Variants in RTL4 observed in about 807,000 individuals in gnomAD.
RTL4 encodes retrotransposon Gag-like protein 4.
RTL4 carries 4 observed loss-of-function variants against 5.3 expected under a neutral mutation model. The observed-to-expected ratio is 0.75, with a 90% CI of 0.37 to 1.72. The LOEUF (loss-of-function observed/expected upper bound fraction) is 1.72, where lower values mean the gene tolerates loss of function less well. Among genes scored for constraint, RTL4 ranks in the 40% most tolerant of loss-of-function variants. The probability of loss-of-function intolerance (pLI) is 0.04; values close to 1 mark genes in which losing one functional copy is unlikely to be tolerated. For synonymous variants in RTL4, 98 were observed against 87.3 expected (o/e 1.12, Z -0.68); for missense variants, 260 against 227.1 (o/e 1.14, Z -0.93).
At chrX:112,275,093 C>T in the RTL4 span, among the ~76,000 whole-genome samples, 36 of 111,073 alleles carry the variant, frequency 3.2e-4, 1 homozygote, top group South Asian at 0.012. Context: ...TCAGCATCTA[C>T]GGGTTAACTG....
At chrX:112,139,797 A>G in the RTL4 span, among the ~76,000 whole-genome samples, 3 of 112,033 alleles carry the variant, frequency 2.7e-5, no homozygotes. Context: ...TGTGGGAGGA[A>G]CCCAGTGGGA....
chrX:112,274,058 A>C, the RTL4 span, among the ~76,000 whole-genome samples: 1 of 112,177 alleles, frequency 8.9e-6, no homozygotes, highest in East Asian at 2.8e-4. Flanking sequence ...ATTGAGGCTC[A>C]GATAAATTAA....
At chrX:112,419,850 G>C in the RTL4 span, among the ~76,000 whole-genome samples, 1 of 108,459 alleles carries the variant, frequency 9.2e-6, no homozygotes, top group African/African-American at 3.3e-5. Flanking sequence ...GAAAGAAAAA[G>C]AGCTTCTGGC....
At chrX:112,340,077 G>C in the RTL4 span, among the ~76,000 whole-genome samples, 1 of 112,500 alleles carries the variant, frequency 8.9e-6, no homozygotes, top group Non-Finnish European at 1.9e-5. Flanking sequence ...GCCAGGGCTA[G>C]GTTTGTCAGA....
chrX:112,356,186 T>A, the RTL4 span, among the ~76,000 whole-genome samples: 2 of 110,775 alleles, frequency 1.8e-5, no homozygotes, highest in African/African-American at 6.6e-5. Context: ...GTGGGGGAGA[T>A]TTTCCCTAGC....
the RTL4 span, among the ~76,000 whole-genome samples, chrX:112,084,594 AG>A: frequency 9.9e-5 from 11 of 111,264 alleles, no homozygotes; most frequent in African/African-American, 3.6e-4. Context: ...CTCCCAAACA[AG>A]GGAGGTCTAT....
At chrX:112,121,013 G>A in the RTL4 span, among the ~76,000 whole-genome samples, 1 of 111,148 alleles carries the variant, frequency 9.0e-6, no homozygotes, top group Non-Finnish European at 1.9e-5. Flanking sequence ...GGAGGGATAG[G>A]ATCAGAAAAA....
At chrX:112,389,765 G>A in the RTL4 span, among the ~76,000 whole-genome samples, 1 of 109,596 alleles carries the variant, frequency 9.1e-6, no homozygotes, top group African/African-American at 3.3e-5. Flanking sequence ...GTCTGAGAAT[G>A]TTTTTGGTAT....
At chrX:112,259,958 A>T in the RTL4 span, among the ~76,000 whole-genome samples, 1 of 112,028 alleles carries the variant, frequency 8.9e-6, no homozygotes, top group African/African-American at 3.2e-5. Context: ...ATAGAAGGGA[A>T]TTTGGTAGAC....
chrX:112,306,415 T>C, the RTL4 span, among the ~76,000 whole-genome samples: 4 of 111,500 alleles, frequency 3.6e-5, no homozygotes, highest in South Asian at 1.1e-3. Flanking sequence ...TAATCTCACT[T>C]AAGCGTCATG....
the RTL4 span, among the ~76,000 whole-genome samples, chrX:112,391,921 G>C: frequency 1.8e-5 from 2 of 110,508 alleles, no homozygotes; most frequent in Non-Finnish European, 3.8e-5. Context: ...CCCCCAGAGA[G>C]ATGCATGTTA....
chrX:112,319,586 G>A, the RTL4 span, among the ~76,000 whole-genome samples: 8 of 111,439 alleles, frequency 7.2e-5, no homozygotes, highest in East Asian at 2.8e-4. Flanking sequence ...AACTGCCACC[G>A]TAATTAAGAC....
At chrX:112,310,414 A>T in the RTL4 span, among the ~76,000 whole-genome samples, 30 of 27,657 alleles carry the variant, frequency 1.1e-3, no homozygotes, top group East Asian at 0.04. Context: ...ATATATATAT[A>T]TTTAATATAA....
chrX:112,348,953 T>A, the RTL4 span, among the ~76,000 whole-genome samples: 1 of 110,404 alleles, frequency 9.1e-6, no homozygotes, highest in Non-Finnish European at 1.9e-5. Flanking sequence ...GAACTTTAAA[T>A]ATAATATTTA....
At chrX:112,389,207 G>C in the RTL4 span, among the ~76,000 whole-genome samples, 2 of 109,800 alleles carry the variant, frequency 1.8e-5, no homozygotes, top group Non-Finnish European at 3.8e-5. Flanking sequence ...TCTAGTTTGT[G>C]TGCATAGTTT....
the RTL4 span, among the ~76,000 whole-genome samples, chrX:112,144,528 G>A: frequency 1.3e-4 from 14 of 111,417 alleles, 1 homozygote; most frequent in South Asian, 4.2e-3. Flanking sequence ...AGGAAAAAAC[G>A]TAGGCTGCCT....
the RTL4 span, among the ~76,000 whole-genome samples, chrX:112,328,425 T>A: frequency 9.0e-6 from 1 of 111,468 alleles, no homozygotes. Context: ...CATTACATAA[T>A]GGTAAAGGGA....
chrX:112,323,601 C>T, the RTL4 span, among the ~76,000 whole-genome samples: 1 of 110,507 alleles, frequency 9.0e-6, no homozygotes, highest in Non-Finnish European at 1.9e-5. Context: ...AAGTGATCCT[C>T]CTACCTCTCA....
chrX:112,313,284 T>C, the RTL4 span, among the ~76,000 whole-genome samples: 9 of 111,416 alleles, frequency 8.1e-5, no homozygotes, highest in African/African-American at 2.9e-4. Flanking sequence ...TGTATTTTAG[T>C]AAAAACAAAA....
Sources: gnomAD v4.1 joint callset for allele counts (sites outside exome capture counted in the v4.1 genomes callset) on GRCh38, gnomAD v4.1.1 for gene constraint, MANE v1.5 for transcripts, NCBI Gene and HGNC (gene_info 2026-07-23, HGNC 2026-07-21) for gene names.